USH2A: variants seen among roughly 807,000 people sequenced by gnomAD.
The protein encoded by USH2A is usherin, also known as Usher syndrome 2A (autosomal recessive, mild).
USH2A carries 443 observed loss-of-function variants against 538.9 expected under a neutral mutation model. That is an observed-to-expected ratio of 0.82 (90% CI 0.76 to 0.89). The LOEUF is 0.89. Among genes scored for constraint, USH2A ranks in the 40% least tolerant of loss-of-function variants. USH2A has a pLI of 0.00. For missense variants in USH2A, 6,633 were observed against 6,324.8 expected (o/e 1.05, Z -1.65); for synonymous variants, 2,413 against 2,273.5 (o/e 1.06, Z -1.75).
At chr1:215,634,845 G>A in intron 69 of USH2A, 142 bp from the exon 70 acceptor site, 1 of 1,403,874 alleles carries the variant, frequency 7.1e-7, no homozygotes, top group Non-Finnish European at 9.9e-7. Context: ...GCACTTGTGT[G>A]CAGCCTGGGG....
At chr1:215,948,414 A>G (rs1258252226) in intron 37 of USH2A, among the ~76,000 whole-genome samples, 2 of 137,182 alleles carry the variant, frequency 1.5e-5, no homozygotes, top group Admixed American at 1.6e-4. Context: ...TGTGTCCTTC[A>G]TATTTGTTCA....
intron 9 of USH2A, among the ~76,000 whole-genome samples, chr1:216,297,756 A>G (rs1339113824): frequency 2.6e-5 from 4 of 152,156 alleles, no homozygotes; most frequent in Admixed American, 2.6e-4. Flanking sequence ...ACCAAAATTT[A>G]TTTCTGGTTA....
chr1:216,247,217 C>T lies in USH2A; in HGVS notation c.2177G>A (p.Cys726Tyr). 6.2e-7 allele frequency: 1 copy of T among 1,613,924 alleles called. No homozygotes were observed. Among genetic ancestry groups the T allele is most frequent in the Non-Finnish European group, 8.5e-7 (1 of 1,179,900 alleles). ...KCKANVIGLR[C>Y]DHCNFGFKFL... ...TTTAAATCCAAAATTGCAATGATCA[C>T]ACCTAAGCCCTAAAGATAAAATATA... Residue 726 changes from cysteine to tyrosine, a missense_variant, in exon 13 of 72, where the codon TGT (cysteine) becomes TAT (tyrosine). By Grantham distance (194) the Cys-to-Tyr change is radical. Coordinates refer to ENST00000307340, the MANE Select transcript of USH2A (RefSeq NM_206933.4).
At chr1:216,341,127 G>T (rs1443766987) in intron 4 of USH2A, among the ~76,000 whole-genome samples, 1 of 152,068 alleles carries the variant, frequency 6.6e-6, no homozygotes, top group Non-Finnish European at 1.5e-5. Flanking sequence ...TCCTTAAGCT[G>T]ATAAACGACT....
At chr1:216,222,599 T>A (rs1043714325) in intron 14 of USH2A, among the ~76,000 whole-genome samples, 8 of 151,832 alleles carry the variant, frequency 5.3e-5, no homozygotes, top group African/African-American at 1.7e-4. Context: ...AGGGTAAGAG[T>A]CAGAGAGAAA....
intron 9 of USH2A, among the ~76,000 whole-genome samples, chr1:216,307,046 AC>A (rs61328800): frequency 0.018 from 2,758 of 152,206 alleles, 89 homozygotes; most frequent in African/African-American, 0.061. Flanking sequence ...GAGAGCATCA[AC>A]GGCAGTAGCA....
intron 9 of USH2A, among the ~76,000 whole-genome samples, chr1:216,305,506 C>T (rs1472325593): frequency 1.3e-5 from 2 of 152,052 alleles, no homozygotes; most frequent in Non-Finnish European, 2.9e-5. Flanking sequence ...AGGCCATTTA[C>T]ATTCAATGTT....
At chr1:216,092,059 C>T (rs1283731609) in intron 22 of USH2A, among the ~76,000 whole-genome samples, 5 of 152,118 alleles carry the variant, frequency 3.3e-5, no homozygotes, top group Non-Finnish European at 7.4e-5. Context: ...ATAAAACAAA[C>T]ATCACAAAAT....
intron 64 of USH2A, among the ~76,000 whole-genome samples, chr1:215,652,347 A>T (rs1348062503): frequency 6.6e-6 from 1 of 152,218 alleles, no homozygotes; most frequent in African/African-American, 2.4e-5. Context: ...AATAGTCAGA[A>T]TCATGAAAAT....
intron 3 of USH2A, among the ~76,000 whole-genome samples, chr1:216,398,283 T>C (rs1049310322): frequency 6.6e-6 from 1 of 151,992 alleles, no homozygotes; most frequent in East Asian, 1.9e-4. Flanking sequence ...CTTTGCGAAG[T>C]AGGTAGAAGA....
rs758382005 is a variant in USH2A at position 215,888,640 on chromosome 1, G to A, written c.8009C>T (p.Thr2670Ile). 8.7e-6 allele frequency: 14 copies of A among 1,614,184 alleles called. No homozygotes were observed. The highest frequency in any genetic ancestry group is 1.3e-5 in the African/African-American group (1 of 75,060). The change falls in exon 41 of 72, where the codon ACT becomes ATT. Residue 2670 changes from threonine (T) to isoleucine (I), a missense_variant. Thr to Ile is a moderately conservative substitution (Grantham distance 89). Coordinates refer to ENST00000307340, the MANE Select transcript of USH2A (RefSeq NM_206933.4). Reference protein sequence around the residue: ...ERRVKGKEEVTTLVTLPRSHS... With the variant: ...ERRVKGKEEVITLVTLPRSHS... Reference sequence around the variant, plus strand: ...ACTCCTCGGGAGAGTCACCAGGGTAGTAACTTCTTCCTTTCCTTTGACTCT... The same window carrying A: ...ACTCCTCGGGAGAGTCACCAGGGTAATAACTTCTTCCTTTCCTTTGACTCT...
chr1:215,847,219 G>A (rs954983937), intron 44 of USH2A, among the ~76,000 whole-genome samples: 10 of 152,134 alleles, frequency 6.6e-5, no homozygotes, highest in African/African-American at 2.4e-4. Flanking sequence ...ATTTTCTTAG[G>A]TAGGAAGTAT....
chr1:216,005,872 G>T (rs891393328), intron 32 of USH2A, among the ~76,000 whole-genome samples: 14 of 151,982 alleles, frequency 9.2e-5, no homozygotes, highest in African/African-American at 3.4e-4. Context: ...TTTAATTTTT[G>T]TTACATATAT....
At chr1:215,806,236 TTTTTC>T (rs1306771799) in intron 49 of USH2A, among the ~76,000 whole-genome samples, 2 of 152,154 alleles carry the variant, frequency 1.3e-5, no homozygotes, top group African/African-American at 4.8e-5. Flanking sequence ...TCTGCCTTTA[TTTTTC>T]TTTTCTTTCT....
At chr1:216,372,238 T>A (rs55868786) in intron 3 of USH2A, among the ~76,000 whole-genome samples, 13 of 152,306 alleles carry the variant, frequency 8.5e-5, no homozygotes, top group African/African-American at 2.9e-4. Flanking sequence ...TGGTTTTGTT[T>A]CTGTTTTGCA....
At chr1:216,174,480 G>C (rs2034333789) in intron 21 of USH2A, 4 of 985,248 alleles carry the variant, frequency 4.1e-6, no homozygotes, top group Non-Finnish European at 4.8e-6. Context: ...CAGTGAGGCA[G>C]GATTGTGCTG....
chr1:216,364,527 G>T (rs2038555917), intron 4 of USH2A, among the ~76,000 whole-genome samples: 1 of 152,178 alleles, frequency 6.6e-6, no homozygotes, highest in Admixed American at 6.5e-5. Flanking sequence ...CTCAGGGTGA[G>T]ATCCTCCTGA....
chr1:216,317,822 C>T (rs2037537259), intron 9 of USH2A, among the ~76,000 whole-genome samples: 1 of 151,996 alleles, frequency 6.6e-6, no homozygotes, highest in African/African-American at 2.4e-5. Flanking sequence ...CACTGCACTC[C>T]AGCCTCGGTG....
rs569917353 is a variant in USH2A, at chr1:216,137,990, AAGG to A, written c.4627+37259_4627+37261del. On this transcript the variant is annotated intron_variant, in intron 21 of 71. Coordinates refer to ENST00000307340, the MANE Select transcript of USH2A (RefSeq NM_206933.4). ...ACGACAAGATGAAAACTTTCATCTA[AAGG>A]AGGAGTCAAATCTACTAACAATTTA... is the stretch of plus-strand genomic sequence containing the variant. 1.7e-3 allele frequency among the ~76,000 whole-genome samples: 257 copies of A among 152,350 alleles called. 2 individuals are homozygous for A. Among genetic ancestry groups the A allele is most frequent in the African/African-American group, 6.1e-3 (252 of 41,582 alleles).
Sources: gnomAD v4.1 joint callset for allele counts (sites outside exome capture counted in the v4.1 genomes callset) on GRCh38, gnomAD v4.1.1 for gene constraint, MANE v1.5 for transcripts, NCBI Gene and HGNC (gene_info 2026-07-23, HGNC 2026-07-21) for gene names.